FUT8: variants seen among roughly 807,000 people sequenced by gnomAD.
FUT8 encodes the protein fucosyltransferase 8.
Under a neutral mutation model 71.3 loss-of-function variants are expected in FUT8, and 29 were observed. The observed-to-expected ratio is 0.41, with a 90% CI of 0.30 to 0.55. FUT8 has a LOEUF of 0.55. Among genes scored for constraint, FUT8 ranks in the 20% least tolerant of loss-of-function variants. The pLI is 0.34. For synonymous variants in FUT8, 254 were observed against 239.3 expected (o/e 1.06, Z -0.57); for missense variants, 544 against 702.1 (o/e 0.77, Z 2.55).
At chr14:65,524,584 G>C (rs985799885) in intron 2 of FUT8, among the ~76,000 whole-genome samples, 3 of 152,080 alleles carry the variant, frequency 2.0e-5, no homozygotes, top group Non-Finnish European at 1.5e-5. Flanking sequence ...CTGCCCGATT[G>C]CCCTGGCCAG....
At chr14:65,369,010 A>G in the FUT8 span, among the ~76,000 whole-genome samples, 1 of 152,376 alleles carries the variant, frequency 6.6e-6, no homozygotes, top group East Asian at 1.9e-4. The surrounding 1 kb of genome is among the most constrained non-coding windows in gnomAD (Gnocchi z 4.6). Context: ...TGTCCAAAAT[A>G]CTATTATTTC....
chr14:65,561,887 C>A, intron 3 of FUT8, 121 bp downstream of exon 3: 1 of 774,806 alleles, frequency 1.3e-6, no homozygotes, highest in Non-Finnish European at 2.1e-6. Context: ...TTTGCCACAA[C>A]TTAGCATGAC....
intron 2 of FUT8, among the ~76,000 whole-genome samples, chr14:65,549,239 G>C (rs902738743): frequency 6.6e-6 from 1 of 151,998 alleles, no homozygotes; most frequent in Admixed American, 6.6e-5. Context: ...ACCCAAGTTA[G>C]CTGAAAGTTC....
intron 2 of FUT8, among the ~76,000 whole-genome samples, chr14:65,475,741 C>T (rs2066228445): frequency 6.6e-6 from 1 of 151,704 alleles, no homozygotes; most frequent in African/African-American, 2.4e-5. Context: ...TATGGTAGAG[C>T]CACTGCAATC....
chr14:65,676,644 T>G (rs2140393080), intron 7 of FUT8, among the ~76,000 whole-genome samples: 1 of 142,196 alleles, frequency 7.0e-6, no homozygotes, highest in African/African-American at 2.6e-5. Context: ...CCTTTCTTCC[T>G]TTTGTAAGTA....
intron 1 of FUT8, among the ~76,000 whole-genome samples, chr14:65,451,307 A>T (rs2065821398): frequency 6.6e-6 from 1 of 152,246 alleles, no homozygotes; most frequent in African/African-American, 2.4e-5. Flanking sequence ...TGCCCCTCGC[A>T]GGAGGGAGTG....
chr14:65,645,637 T>C (rs527997845), intron 6 of FUT8, among the ~76,000 whole-genome samples: 3 of 152,234 alleles, frequency 2.0e-5, no homozygotes, highest in Non-Finnish European at 4.4e-5. Context: ...TTTTATGTGA[T>C]TCTCATCAGA....
chr14:65,523,564 A>T (rs1883231946), intron 2 of FUT8, among the ~76,000 whole-genome samples: 1 of 152,094 alleles, frequency 6.6e-6, no homozygotes, highest in Non-Finnish European at 1.5e-5. Context: ...GCTGTGCAGA[A>T]GCTCTTTAGC....
the FUT8 span, among the ~76,000 whole-genome samples, chr14:65,380,395 A>G: frequency 6.3e-4 from 96 of 152,338 alleles, no homozygotes; most frequent in South Asian, 4.6e-3. Context: ...GTGGGGACAC[A>G]GCCAAACTGT....
intron 5 of FUT8, among the ~76,000 whole-genome samples, chr14:65,622,129 C>T (rs1889648459): frequency 6.6e-6 from 1 of 152,120 alleles, no homozygotes; most frequent in South Asian, 2.1e-4. Flanking sequence ...TAGCTTAGTT[C>T]CATTTTTATA....
intron 6 of FUT8, among the ~76,000 whole-genome samples, chr14:65,632,224 T>G (rs557659082): frequency 1.3e-5 from 2 of 152,186 alleles, no homozygotes; most frequent in African/African-American, 4.8e-5. Context: ...AACGACTCCT[T>G]TTACTGGGTA....
intron 2 of FUT8, among the ~76,000 whole-genome samples, chr14:65,503,722 T>G (rs2066682683): frequency 6.6e-6 from 1 of 152,220 alleles, no homozygotes; most frequent in Non-Finnish European, 1.5e-5. Flanking sequence ...TTTTGTCTGT[T>G]GATACTATGT....
intron 7 of FUT8, among the ~76,000 whole-genome samples, chr14:65,673,100 A>G (rs1892549200): frequency 6.6e-6 from 1 of 152,266 alleles, no homozygotes; most frequent in South Asian, 2.1e-4. Context: ...CTAGTAAAAA[A>G]ATAATTTATA....
chr14:65,424,539 CTTTTTTT>C (rs796843891), intron 1 of FUT8, among the ~76,000 whole-genome samples: 1,344 of 125,426 alleles, frequency 0.011, 12 homozygotes, highest in Non-Finnish European at 0.017. Context: ...CTTTTCTTTT[CTTTTTTT>C]TTTTTTTTTT....
intron 2 of FUT8, among the ~76,000 whole-genome samples, chr14:65,540,817 C>T (rs1272398184): frequency 6.6e-6 from 1 of 151,982 alleles, no homozygotes; most frequent in African/African-American, 2.4e-5. Flanking sequence ...TGTAGATCTA[C>T]TTTAATCATG....
the FUT8 span, among the ~76,000 whole-genome samples, chr14:65,357,557 A>T: frequency 6.6e-6 from 1 of 152,172 alleles, no homozygotes; most frequent in Non-Finnish European, 1.5e-5. Flanking sequence ...GGCCCCCAAC[A>T]CATCTCCATC....
chr14:65,611,921 A>G (rs1889021484), intron 3 of FUT8, among the ~76,000 whole-genome samples: 1 of 152,194 alleles, frequency 6.6e-6, no homozygotes, highest in Non-Finnish European at 1.5e-5. Context: ...TCAGCCTCCC[A>G]AAGTGCTGGG....
intron 2 of FUT8, among the ~76,000 whole-genome samples, chr14:65,514,218 C>CGG (rs1882551046): frequency 2.8e-5 from 2 of 72,532 alleles, no homozygotes; most frequent in African/African-American, 5.7e-5. Context: ...ATCGGTTGGG[C>CGG]AGTTTCTCTA....
intron 3 of FUT8, among the ~76,000 whole-genome samples, chr14:65,606,946 T>G (rs1888620455): frequency 6.6e-6 from 1 of 151,940 alleles, no homozygotes; most frequent in Non-Finnish European, 1.5e-5. Context: ...GTTTGTTAGA[T>G]TTATTCCTTG....
Sources: allele counts gnomAD v4.1 joint callset (sites outside exome capture counted in the v4.1 genomes callset), GRCh38; gene constraint gnomAD v4.1.1; non-coding constraint Gnocchi (gnomAD v3.1); transcripts MANE v1.5; gene names NCBI Gene and HGNC (gene_info 2026-07-23, HGNC 2026-07-21).